The following THEMIS variants were observed in gnomAD, a reference collection of about 807,000 sequenced individuals.
THEMIS encodes the protein thymocyte selection associated.
A neutral mutation model predicts 52.6 loss-of-function variants in THEMIS; 37 were observed. The ratio of observed to expected loss-of-function variants is 0.70; its 90% CI spans 0.54 to 0.93. THEMIS has a LOEUF of 0.93. THEMIS is among the 40% of genes least tolerant of loss of function. The pLI is 0.00. For missense variants in THEMIS, 808 were observed against 763.1 expected (o/e 1.06, Z -0.69); for synonymous variants, 292 against 272.7 (o/e 1.07, Z -0.70).
intron 5 of THEMIS, among the ~76,000 whole-genome samples, chr6:127,716,280 C>A (rs1475474623): frequency 6.6e-6 from 1 of 151,784 alleles, no homozygotes; most frequent in Non-Finnish European, 1.5e-5. Flanking sequence ...AGGAAAATGG[C>A]CCCCTGTTTA....
intron 4 of THEMIS, among the ~76,000 whole-genome samples, chr6:127,772,658 C>A (rs1032565551): frequency 1.3e-5 from 2 of 152,002 alleles, no homozygotes; most frequent in African/African-American, 4.8e-5. Flanking sequence ...TCTGTCTTGC[C>A]AAAGACTACA....
upstream of THEMIS, among the ~76,000 whole-genome samples, chr6:127,902,343 A>AT (rs1385437050): frequency 8.6e-5 from 13 of 150,352 alleles, no homozygotes; most frequent in Non-Finnish European, 1.3e-4. Flanking sequence ...AAAAAAAAAA[A>AT]AATAAAGAAT....
intron 1 of THEMIS, among the ~76,000 whole-genome samples, chr6:127,891,933 C>A (rs911602335): frequency 6.6e-6 from 1 of 152,180 alleles, no homozygotes; most frequent in Non-Finnish European, 1.5e-5. Flanking sequence ...TCCTTTTGGT[C>A]CCCAGATGTC....
chr6:127,813,616 A>C lies in THEMIS; in HGVS notation c.1025T>G (p.Phe342Cys). 6.2e-7 allele frequency: 1 copy of C among 1,614,090 alleles called. No individual in the cohort carries two copies. Among genetic ancestry groups the C allele is most frequent in the Admixed American group, 1.7e-5 (1 of 60,004 alleles). ...FLIPTSYKGK[F>C]KRRPREFPTA... ...TGGGAACTCCCTCGGTCGCCGCTTG[A>C]ACTTGCCTTTATAGCTAGTGGGGAT... is the stretch of plus-strand genomic sequence containing the variant. The change falls in exon 4 of 6, where the codon TTC (phenylalanine) becomes TGC (cysteine). Residue 342 changes from phenylalanine to cysteine, a missense_variant. Phe to Cys is a radical substitution (Grantham distance 205). Coordinates refer to ENST00000368248, the MANE Select transcript of THEMIS (RefSeq NM_001010923.3).
intron 2 of THEMIS, among the ~76,000 whole-genome samples, chr6:127,833,852 A>G (rs1294078693): frequency 6.6e-6 from 1 of 152,232 alleles, no homozygotes; most frequent in Non-Finnish European, 1.5e-5. Context: ...ACACAGTGAT[A>G]GAAAAGCCAC....
the THEMIS span, among the ~76,000 whole-genome samples, chr6:127,701,441 T>G: frequency 2.0e-5 from 3 of 152,148 alleles, no homozygotes; most frequent in Non-Finnish European, 4.4e-5. Flanking sequence ...ATTCTACTAC[T>G]CCTGGGCATG....
the THEMIS span, among the ~76,000 whole-genome samples, chr6:127,700,014 A>G: frequency 1.3e-5 from 2 of 152,030 alleles, no homozygotes; most frequent in Non-Finnish European, 3.0e-5. Context: ...AAATGAAAAG[A>G]TAAACCACCG....
At chr6:127,767,089 C>CTT (rs528714801) in intron 4 of THEMIS, among the ~76,000 whole-genome samples, 2 of 149,770 alleles carry the variant, frequency 1.3e-5, no homozygotes. Flanking sequence ...AAAATATTTT[C>CTT]TTTTTTTTTG....
At chr6:127,810,004 G>C (rs1777846665) in intron 4 of THEMIS, among the ~76,000 whole-genome samples, 1 of 151,158 alleles carries the variant, frequency 6.6e-6, no homozygotes, top group African/African-American at 2.4e-5. Context: ...GACTCCATGT[G>C]GGGTCTGACC....
downstream of THEMIS, among the ~76,000 whole-genome samples, chr6:127,706,916 C>G (rs1773815525): frequency 6.6e-6 from 1 of 152,030 alleles, no homozygotes; most frequent in Non-Finnish European, 1.5e-5. Flanking sequence ...CATTCTTACA[C>G]TGCTAATAAA....
intron 5 of THEMIS, among the ~76,000 whole-genome samples, chr6:127,719,220 T>C (rs1270215344): frequency 6.6e-6 from 1 of 151,916 alleles, no homozygotes; most frequent in Non-Finnish European, 1.5e-5. Context: ...CGTTTGCTTT[T>C]GTTTTGCACT....
chr6:127,815,589 A>G (rs1321458184), intron 3 of THEMIS, among the ~76,000 whole-genome samples: 1 of 152,234 alleles, frequency 6.6e-6, no homozygotes, highest in African/African-American at 2.4e-5. Context: ...TTTAATTTTT[A>G]GAAAAAAAAG....
At chr6:127,782,132 G>T (rs1776765989) in intron 4 of THEMIS, among the ~76,000 whole-genome samples, 1 of 152,124 alleles carries the variant, frequency 6.6e-6, no homozygotes, top group South Asian at 2.1e-4. Context: ...CCTTGGTAAT[G>T]GTGGACACCC....
intron 4 of THEMIS, among the ~76,000 whole-genome samples, chr6:127,723,990 T>G (rs1774453341): frequency 6.6e-6 from 1 of 152,040 alleles, no homozygotes; most frequent in Non-Finnish European, 1.5e-5. Context: ...AACTACATAT[T>G]AAATAAATAG....
At chr6:127,810,955 G>A (rs911389219) in intron 4 of THEMIS, among the ~76,000 whole-genome samples, 1 of 151,800 alleles carries the variant, frequency 6.6e-6, no homozygotes, top group African/African-American at 2.4e-5. Context: ...CTGTTTTCAA[G>A]ATCCTGGTTC....
chr6:127,899,924 T>TATATAA (rs1554248219), intron 1 of THEMIS, among the ~76,000 whole-genome samples: 1 of 144,570 alleles, frequency 6.9e-6, no homozygotes, highest in African/African-American at 2.5e-5. Context: ...TATATATATA[T>TATATAA]AATATATATA....
intron 4 of THEMIS, among the ~76,000 whole-genome samples, chr6:127,745,282 T>A (rs972328270): frequency 1.3e-5 from 2 of 151,860 alleles, no homozygotes; most frequent in Non-Finnish European, 2.9e-5. Flanking sequence ...AAGCAATTAA[T>A]CTTAAATCTA....
intron 2 of THEMIS, among the ~76,000 whole-genome samples, chr6:127,835,313 G>A (rs889423519): frequency 2.6e-5 from 4 of 152,162 alleles, no homozygotes; most frequent in African/African-American, 9.7e-5. Flanking sequence ...CTAGAGTGGG[G>A]TGGTTAAGAT....
intron 2 of THEMIS, among the ~76,000 whole-genome samples, chr6:127,847,297 G>A (rs904654160): frequency 1.7e-4 from 26 of 151,896 alleles, no homozygotes; most frequent in African/African-American, 5.8e-4. Flanking sequence ...AATTAGACCA[G>A]AGAAAGAAAT....
Sources: allele counts gnomAD v4.1 joint callset (sites outside exome capture counted in the v4.1 genomes callset), GRCh38; gene constraint gnomAD v4.1.1; transcripts MANE v1.5; gene names NCBI Gene and HGNC (gene_info 2026-07-23, HGNC 2026-07-21).